MAP6: variants seen among roughly 807,000 people sequenced by gnomAD.
MAP6 encodes the protein microtubule-associated protein 6.
A neutral mutation model predicts 42.4 loss-of-function variants in MAP6; 26 were observed. The ratio of observed to expected loss-of-function variants is 0.61; its 90% CI spans 0.45 to 0.85. MAP6 has a LOEUF of 0.85. MAP6 is among the 40% of genes least tolerant of loss of function. The pLI, the probability that MAP6 is intolerant of heterozygous loss-of-function variation, is 0.00. For synonymous variants in MAP6, 418 were observed against 443.8 expected (o/e 0.94, Z 0.73); for missense variants, 966 against 1,099.0 (o/e 0.88, Z 1.71).
intron 1 of MAP6, among the ~76,000 whole-genome samples, chr11:75,641,055 T>C (rs1943461312): frequency 6.6e-6 from 1 of 152,120 alleles, no homozygotes; most frequent in Non-Finnish European, 1.5e-5. Context: ...TGCAGCACTA[T>C]TCACAATAGC....
At chr11:75,663,292 T>C (rs984723868) in intron 1 of MAP6, among the ~76,000 whole-genome samples, 1 of 152,142 alleles carries the variant, frequency 6.6e-6, no homozygotes, top group African/African-American at 2.4e-5. Context: ...ATTTGGACTT[T>C]AACTTGATTG....
rs1943995089 is a variant in MAP6 at position 75,668,084 on chromosome 11, C to T, written c.286G>A (p.Ala96Thr). The T allele has an allele frequency of 5.8e-6, 7 of 1,216,432 alleles. No individual in the cohort carries two copies. The highest frequency in any genetic ancestry group is 7.1e-6 in the Non-Finnish European group (7 of 981,072). The allele number at this position is 1,216,432 out of a possible 1,614,324, so 75.4% of individuals were successfully genotyped here. Residue 96 changes from alanine to threonine, a missense_variant, in exon 1 of 4, where the codon GCG becomes ACG. Around this residue, in one of 2 missense-constraint regions of MAP6, gnomAD observed 943 missense variants for 1,049.9 expected, o/e 0.90. Coordinates refer to ENST00000304771, the MANE Select transcript of MAP6 (RefSeq NM_033063.2). ...APGPTGEREP[A>T]AGPGRSGPGP... The stretch of plus-strand genomic sequence containing the variant: ...GGCCCGCTCCGGCCGGGGCCCGCCG[C>T]CGGCTCGCGCTCGCCGGTAGGCCCA...
At chr11:75,662,617 A>G (rs980279905) in intron 1 of MAP6, among the ~76,000 whole-genome samples, 5 of 152,228 alleles carry the variant, frequency 3.3e-5, no homozygotes, top group African/African-American at 1.2e-4. Context: ...GATGTGGCCC[A>G]GGAATCTGCA....
In MAP6 at chr11:75,667,459, T is replaced by C; in HGVS notation, c.905+6A>G. The C allele has an allele frequency of 6.7e-7, 1 of 1,487,034 alleles. No individual in the cohort carries two copies. Among genetic ancestry groups the C allele is most frequent in the Non-Finnish European group, 8.9e-7 (1 of 1,126,738 alleles). The allele number at this position is 1,487,034 out of a possible 1,614,324, so 92.1% of individuals were successfully genotyped here. A position where few individuals can be genotyped will look rare whatever the true frequency, so the allele number is the denominator to read the frequency against. On this transcript the variant is annotated splice_donor_region_variant and intron_variant, in intron 1 of 3. Transcript: ENST00000304771. This position sits in a 1 kb window ranked among gnomAD's most constrained non-coding sequence, Gnocchi z 5.6. Reference sequence around the variant, plus strand: ...CTCCCCCGCGCTAGCAGCGGCCGCGTCTCACCTGTAGGAGCTGCTCACTGC... The same window carrying C: ...CTCCCCCGCGCTAGCAGCGGCCGCGCCTCACCTGTAGGAGCTGCTCACTGC...
chr11:75,606,048 G>A, intron 2 of MAP6, 44 bp from the exon 3 acceptor site: 1 of 1,602,524 alleles, frequency 6.2e-7, no homozygotes, highest in South Asian at 1.1e-5. Context: ...ACAAAAAGGT[G>A]GGGCGTGGGA....
intron 1 of MAP6, among the ~76,000 whole-genome samples, chr11:75,620,695 A>G (rs1943092736): frequency 1.3e-5 from 2 of 152,228 alleles, no homozygotes; most frequent in Non-Finnish European, 2.9e-5. Flanking sequence ...AGCAACATAA[A>G]AAGATTTAAA....
chr11:75,668,153 G>T lies in MAP6; in HGVS notation c.217C>A (p.Gln73Lys). 1 of 1,225,868 alleles carries T rather than the reference G, an allele frequency of 8.2e-7. No homozygotes were observed. The highest frequency in any genetic ancestry group is 1.0e-6 in the Non-Finnish European group (1 of 989,558). 75.9% of individuals were successfully genotyped at this position (1,225,868 alleles called of 1,614,324 possible). Residue 73 changes from glutamine to lysine, a missense_variant, in exon 1 of 4, where the codon CAG becomes AAG. By Grantham distance (53) the Gln-to-Lys change is moderately conservative (BLOSUM62 1). Around this residue, in one of 2 missense-constraint regions of MAP6, gnomAD observed 943 missense variants for 1,049.9 expected, o/e 0.90. Coordinates refer to ENST00000304771, the MANE Select transcript of MAP6 (RefSeq NM_033063.2). ...RAVAIETQPAQGELDAVARAT... is the reference protein window; with the variant it reads ...RAVAIETQPAKGELDAVARAT... The stretch of plus-strand genomic sequence containing the variant: ...CGGGCAACTGCATCCAACTCGCCCT[G>T]GGCTGGCTGCGTCTCTATGGCAACC...
intron 3 of MAP6, among the ~76,000 whole-genome samples, chr11:75,593,070 C>T (rs1417395838): frequency 1.3e-5 from 2 of 152,232 alleles, no homozygotes; most frequent in Non-Finnish European, 2.9e-5. Context: ...CCCCCTGCTA[C>T]AGGCTCTCCT....
At chr11:75,665,878 G>C (rs1446794469) in intron 1 of MAP6, among the ~76,000 whole-genome samples, 1 of 152,190 alleles carries the variant, frequency 6.6e-6, no homozygotes, top group African/African-American at 2.4e-5. Context: ...TAAACCAAGA[G>C]AGAGATGCCA....
In MAP6 at chr11:75,659,996, C is replaced by T. The variant is rs74463545; in HGVS notation, c.905+7469G>A. The stretch of plus-strand genomic sequence containing the variant: ...ATTGTATTTCTGAGAGTTAATTGCA[C>T]AAAGTTAACCAATGATCTAACAAAA... On this transcript the variant is annotated intron_variant, in intron 1 of 3. Coordinates refer to ENST00000304771, the MANE Select transcript of MAP6 (RefSeq NM_033063.2). Among the ~76,000 whole-genome samples, 614 of 152,258 alleles carry T rather than the reference C, an allele frequency of 4.0e-3. 3 individuals are homozygous for T. The highest frequency in any genetic ancestry group is 0.014 in the African/African-American group (594 of 41,532).
chr11:75,630,372 T>A (rs2135632051), intron 1 of MAP6, among the ~76,000 whole-genome samples: 1 of 152,368 alleles, frequency 6.6e-6, no homozygotes, highest in Middle Eastern at 3.4e-3. Flanking sequence ...TTGGCAGGAA[T>A]CACCAGCTTA....
rs540222564 is a variant in MAP6 at position 75,626,900 on chromosome 11, G to A, written c.906-18578C>T. On this transcript the variant is annotated intron_variant, in intron 1 of 3. Transcript: ENST00000304771. ...ATTTGAGTCATTTGATATCAGAGGT[G>A]CTATAACCCATAGAAACAGAGGGAG... Among the ~76,000 whole-genome samples, 15 of 152,314 alleles carry A rather than the reference G, an allele frequency of 9.8e-5. No individual in the cohort carries two copies. In the East Asian group the frequency reaches 2.7e-3, roughly 27 times the overall value.
At position 75,667,806 on chromosome 11, in the gene MAP6, C is replaced by A; in HGVS notation, c.564G>T (p.Ala188=). ...GGCGCTTGGGCGCCCCGAGAATGGG[C>A]GCCGACGCCTGGGAGGCCGCAGAGA... ...VQISAASQAS[A]PILGAPKRRP... Residue 188 remains alanine (A), a synonymous_variant, in exon 1 of 4, where the codon GCG becomes GCT. Transcript: ENST00000304771. This position sits in a 1 kb window ranked among gnomAD's most constrained non-coding sequence, Gnocchi z 5.6. 7.6e-7 allele frequency: 1 copy of A among 1,311,822 alleles called. No homozygotes were observed. The allele number at this position is 1,311,822 out of a possible 1,614,324, so 81.3% of individuals were successfully genotyped here.
intron 2 of MAP6, 73 bp from the exon 3 acceptor site, chr11:75,606,077 G>T: frequency 9.7e-6 from 15 of 1,543,710 alleles, no homozygotes; most frequent in East Asian, 2.3e-5. Context: ...AGAGAGAAAA[G>T]ATATGGTTAA....
At chr11:75,654,309 C>T (rs1943699342) in intron 1 of MAP6, among the ~76,000 whole-genome samples, 1 of 152,120 alleles carries the variant, frequency 6.6e-6, no homozygotes, top group African/African-American at 2.4e-5. Context: ...GAATTTTTAT[C>T]TCATTGATAA....
At chr11:75,632,721 C>T (rs1415116593) in intron 1 of MAP6, among the ~76,000 whole-genome samples, 2 of 152,172 alleles carry the variant, frequency 1.3e-5, no homozygotes, top group Non-Finnish European at 1.5e-5. Context: ...GAACTAACCA[C>T]TATTGTTATG....
rs79699727 is a variant in MAP6, at chr11:75,628,793, T to C, written c.906-20471A>G. On this transcript the variant is annotated intron_variant, in intron 1 of 3. Coordinates refer to ENST00000304771, the MANE Select transcript of MAP6 (RefSeq NM_033063.2). ...CTGGAGAATAAATTTAAAGGGATAG[T>C]GGGAGGCAAAAATAAAATCACCTTG... is the stretch of plus-strand genomic sequence containing the variant. Among the ~76,000 whole-genome samples the C allele has an allele frequency of 7.3e-3, 1,108 of 152,274 alleles. 43 individuals are homozygous for C. In the East Asian group the frequency reaches 0.095, roughly 13 times the overall value.
At chr11:75,610,645 G>C (rs1240146486) in intron 1 of MAP6, among the ~76,000 whole-genome samples, 1 of 152,196 alleles carries the variant, frequency 6.6e-6, no homozygotes, top group Non-Finnish European at 1.5e-5. Context: ...GGTTAGTTTT[G>C]GAAAGAGAAT....
rs1159485913 is a variant in MAP6 at position 75,587,579 on chromosome 11, G to A, written c.1922C>T (p.Pro641Leu). The change falls in exon 4 of 4, where the codon CCC becomes CTC. Residue 641 changes from proline to leucine, a missense_variant. By Grantham distance (98) the Pro-to-Leu change is moderately conservative. This residue lies in a region of MAP6 where 943 missense variants were observed against 1,049.9 expected (regional missense o/e 0.90). Transcript: ENST00000304771. ...ATCCTTCGGATGCTCTGGGACCATG[G>A]GATCTTGATCCTTGATAGGTGCTGA... ...MVSAPIKDQDPMVPEHPKDES... is the reference protein window; with the variant it reads ...MVSAPIKDQDLMVPEHPKDES... The A allele has an allele frequency of 7.4e-6, 12 of 1,614,160 alleles. No homozygotes were observed. The East Asian group carries it at 2.7e-4, about 36-fold the overall frequency.
Sources: allele counts gnomAD v4.1 joint callset (sites outside exome capture counted in the v4.1 genomes callset), GRCh38; gene constraint gnomAD v4.1.1; regional missense constraint gnomAD v4.1.1; non-coding constraint Gnocchi (gnomAD v3.1); transcripts MANE v1.5; gene names NCBI Gene and HGNC (gene_info 2026-07-23, HGNC 2026-07-21).